The following NBEA variants were observed in gnomAD, a reference collection of about 807,000 sequenced individuals.
The protein encoded by NBEA is neurobeachin, also known as lysosomal-trafficking regulator 2.
Under a neutral mutation model 343.4 loss-of-function variants are expected in NBEA, and 44 were observed. The observed-to-expected ratio is 0.13, with a 90% CI of 0.10 to 0.16. The LOEUF is 0.16. NBEA is among the 10% of genes least tolerant of loss of function. NBEA has a pLI of 1.00. For missense variants in NBEA, 2,555 were observed against 3,631.3 expected, an observed-to-expected ratio of 0.70 and a Z score of 7.62; for synonymous variants, 1,175 against 1,238.7, an observed-to-expected ratio of 0.95 and a Z score of 1.08.
intron 34 of NBEA, among the ~76,000 whole-genome samples, chr13:35,278,577 C>A (rs538506341): frequency 2.0e-5 from 3 of 152,270 alleles, no homozygotes; most frequent in Admixed American, 1.3e-4. Context: ...ACTTTTGATT[C>A]TTGTTTTCAA....
intron 1 of NBEA, among the ~76,000 whole-genome samples, chr13:34,960,065 TATG>T (rs751724676): frequency 8.7e-4 from 133 of 152,176 alleles, no homozygotes; most frequent in Middle Eastern, 3.4e-3. Flanking sequence ...AAGGCATTGT[TATG>T]ATAAGAGATG....
chr13:35,037,772 A>G (rs1178275980), intron 1 of NBEA, among the ~76,000 whole-genome samples: 1 of 152,168 alleles, frequency 6.6e-6, no homozygotes, highest in Non-Finnish European at 1.5e-5. Context: ...CACCACCACC[A>G]TGGCTGTGCT....
At chr13:35,094,191 A>ATT (rs1830598403) in intron 10 of NBEA, among the ~76,000 whole-genome samples, 4 of 152,066 alleles carry the variant, frequency 2.6e-5, no homozygotes, top group African/African-American at 4.8e-5. Flanking sequence ...CTCACTTTTA[A>ATT]TAGAGTCTCT....
At chr13:35,197,888 G>T (rs963949252) in intron 31 of NBEA, among the ~76,000 whole-genome samples, 5 of 152,108 alleles carry the variant, frequency 3.3e-5, no homozygotes, top group Non-Finnish European at 7.4e-5. Flanking sequence ...AAAATCTGTT[G>T]TGGAAAATGT....
chr13:35,485,030 G>C (rs755282180), intron 41 of NBEA, among the ~76,000 whole-genome samples: 5 of 152,024 alleles, frequency 3.3e-5, no homozygotes, highest in Non-Finnish European at 7.4e-5. Flanking sequence ...TACCACAACT[G>C]TTTCAGACTC....
chr13:35,082,181 C>T (rs2064446212), intron 10 of NBEA, among the ~76,000 whole-genome samples: 1 of 151,874 alleles, frequency 6.6e-6, no homozygotes, highest in Non-Finnish European at 1.5e-5. Flanking sequence ...GTTTTTTTGT[C>T]CCTGAGATAG....
Position 35,649,937 on chromosome 13 carries a change from A to G in NBEA, c.7963+90A>G, listed in dbSNP as rs2084435353. 9 of 1,229,204 alleles carry G rather than the reference A, an allele frequency of 7.3e-6. 1 individual carries two copies. In the South Asian group the frequency reaches 1.1e-4, roughly 15 times the overall value. 76.1% of individuals were successfully genotyped at this position (1,229,204 alleles called of 1,614,324 possible). A position where few individuals can be genotyped will look rare whatever the true frequency, so the allele number is the denominator to read the frequency against. ...TGTACTGGGACTGGGATTAGCTCAT[A>G]TCCCACATTATCTACAAAAAACAGC... is the stretch of plus-strand genomic sequence containing the variant. On this transcript the variant is annotated intron_variant, in intron 52 of 58. Coordinates refer to ENST00000379939, the MANE Select transcript of NBEA (RefSeq NM_001385012.1).
intron 10 of NBEA, among the ~76,000 whole-genome samples, chr13:35,088,269 CAAAA>C (rs1312770386): frequency 6.6e-6 from 1 of 151,774 alleles, no homozygotes; most frequent in East Asian, 1.9e-4. Context: ...TTCCATACTT[CAAAA>C]GAAAGGTAAC....
chr13:35,282,914 A>G (rs2152812493), intron 34 of NBEA, among the ~76,000 whole-genome samples: 1 of 152,250 alleles, frequency 6.6e-6, no homozygotes, highest in South Asian at 2.1e-4. Flanking sequence ...AGATAGTGCA[A>G]GGCCTATAGC....
intron 41 of NBEA, among the ~76,000 whole-genome samples, chr13:35,522,475 C>CAAAAAAAAAAAAAA (rs138270833): frequency 6.9e-4 from 29 of 42,072 alleles, no homozygotes; most frequent in East Asian, 1.6e-3. Context: ...ATACCATCTC[C>CAAAAAAAAAAAAAA]AAAAAAAAAA....
chr13:35,022,954 G>A (rs1387699941), intron 1 of NBEA, among the ~76,000 whole-genome samples: 2 of 152,036 alleles, frequency 1.3e-5, no homozygotes, highest in Non-Finnish European at 2.9e-5. Flanking sequence ...GAAGATTTAT[G>A]TTTTAGAAAT....
At chr13:35,027,305 T>C (rs2152545849) in intron 1 of NBEA, among the ~76,000 whole-genome samples, 1 of 152,206 alleles carries the variant, frequency 6.6e-6, no homozygotes, top group African/African-American at 2.4e-5. Context: ...GTATGTTTAG[T>C]TTTGTAATAT....
chr13:35,291,540 G>T (rs1274726561), intron 35 of NBEA, among the ~76,000 whole-genome samples: 1 of 151,918 alleles, frequency 6.6e-6, no homozygotes, highest in Non-Finnish European at 1.5e-5. Context: ...CGTCTGCAGG[G>T]CATTTGAAAA....
chr13:35,606,646 T>C (rs1036712982), intron 48 of NBEA, 68 bp downstream of exon 48: 46 of 1,324,978 alleles, frequency 3.5e-5, no homozygotes, highest in Non-Finnish European at 4.6e-5. Context: ...TTTTGTTTTG[T>C]CCTGTTCTTT....
intron 10 of NBEA, among the ~76,000 whole-genome samples, chr13:35,088,107 G>T (rs1308671850): frequency 6.6e-6 from 1 of 151,812 alleles, no homozygotes. Context: ...AATCTATTAC[G>T]GAGGTTGAAA....
At chr13:35,597,232 C>T (rs557759796) in intron 47 of NBEA, among the ~76,000 whole-genome samples, 23 of 152,018 alleles carry the variant, frequency 1.5e-4, no homozygotes, top group Non-Finnish European at 3.4e-4. Flanking sequence ...ATTAACTATA[C>T]CGTGGGGTTT....
At position 35,554,829 on chromosome 13, in the gene NBEA, T is replaced by C. The variant is rs144804191; in HGVS notation, c.6807-158T>C. The stretch of plus-strand genomic sequence containing the variant: ...CTATAATAGAATTCTCAAATATTGC[T>C]AATTTCTACAATTAAAATATATTTT... On this transcript the variant is annotated intron_variant, in intron 43 of 58. Transcript: ENST00000379939. Among the ~76,000 whole-genome samples, 473 of 152,350 alleles carry C rather than the reference T, an allele frequency of 3.1e-3. 2 individuals carry two copies. The highest frequency in any genetic ancestry group is 4.8e-3 in the Non-Finnish European group (328 of 68,016).
chr13:35,518,605 C>T (rs1343936914), intron 41 of NBEA, among the ~76,000 whole-genome samples: 2 of 152,118 alleles, frequency 1.3e-5, no homozygotes, highest in Non-Finnish European at 2.9e-5. Flanking sequence ...TTATGCCAGA[C>T]GATGGTTAGA....
At chr13:35,091,869 T>A (rs1309971185) in intron 10 of NBEA, among the ~76,000 whole-genome samples, 1 of 151,994 alleles carries the variant, frequency 6.6e-6, no homozygotes, top group Non-Finnish European at 1.5e-5. Context: ...TAGATACATG[T>A]AACATAATAA....
Sources: gnomAD v4.1 joint callset for allele counts (sites outside exome capture counted in the v4.1 genomes callset) on GRCh38, gnomAD v4.1.1 for gene constraint, MANE v1.5 for transcripts, NCBI Gene and HGNC (gene_info 2026-07-23, HGNC 2026-07-21) for gene names.